Variants in OTOF observed in about 807,000 individuals in gnomAD.
OTOF encodes otoferlin, also known as fer-1-like family member 2.
OTOF carries 218 observed loss-of-function variants against 236.8 expected under a neutral mutation model. The ratio of observed to expected loss-of-function variants is 0.92; its 90% CI spans 0.82 to 1.03. OTOF has a LOEUF of 1.03. OTOF is among the 50% of genes least tolerant of loss of function. The pLI is 0.00. For synonymous variants in OTOF, 1,041 were observed against 1,072.5 expected, an observed-to-expected ratio of 0.97 and a Z score of 0.57; for missense variants, 2,590 against 2,694.4, an observed-to-expected ratio of 0.96 and a Z score of 0.86.
chr2:26,523,947 ACT>A (rs377417137), intron 3 of OTOF, among the ~76,000 whole-genome samples: 77 of 151,786 alleles, frequency 5.1e-4, no homozygotes, highest in African/African-American at 1.8e-3. Context: ...CCTCTCTCCC[ACT>A]CTGACCCCCA....
intron 1 of OTOF, among the ~76,000 whole-genome samples, chr2:26,552,130 C>T (rs1572501694): frequency 2.0e-5 from 3 of 151,038 alleles, no homozygotes; most frequent in Admixed American, 1.3e-4. Flanking sequence ...TGGCTTACGC[C>T]TATAATCCCA....
intron 1 of OTOF, among the ~76,000 whole-genome samples, chr2:26,540,343 C>T (rs1248686864): frequency 6.6e-6 from 1 of 152,218 alleles, no homozygotes; most frequent in Admixed American, 6.5e-5. Context: ...ACTGATGAAG[C>T]CCATGGCATG....
chr2:26,465,260 G>C (rs941619104), intron 38 of OTOF, among the ~76,000 whole-genome samples: 6 of 152,114 alleles, frequency 3.9e-5, no homozygotes, highest in Admixed American at 1.3e-4. Context: ...TAGCCCCACT[G>C]CATCCCCTCA....
rs776405936 is a variant in OTOF at position 26,480,910 on chromosome 2, C to G, written c.1679G>C (p.Gly560Ala). 6.2e-7 allele frequency: 1 copy of G among 1,613,000 alleles called. No homozygotes were observed. Among genetic ancestry groups the G allele is most frequent in the Non-Finnish European group, 8.5e-7 (1 of 1,179,942 alleles). ...DEHQDLNEGL[G>A]EGVSFRARLL... Reference sequence around the variant, plus strand: ...CCGGGCCCGGAAGGACACACCCTCCCCCAGGCCCTCGTTCAGGTCCTGATG... The same window carrying G: ...CCGGGCCCGGAAGGACACACCCTCCGCCAGGCCCTCGTTCAGGTCCTGATG... Residue 560 changes from glycine (G) to alanine (A), a missense_variant, in exon 15 of 47, where the codon GGG becomes GCG. Physicochemically the swap from Gly to Ala is moderately conservative, Grantham distance 60. This residue lies in a region of OTOF where 1,379 missense variants were observed against 1,341.6 expected (regional missense o/e 1.03). Coordinates refer to ENST00000272371, the MANE Select transcript of OTOF (RefSeq NM_194248.3).
At chr2:26,504,106 G>T (rs1428755629) in intron 5 of OTOF, among the ~76,000 whole-genome samples, 4 of 152,146 alleles carry the variant, frequency 2.6e-5, no homozygotes, top group Non-Finnish European at 5.9e-5. Context: ...TCCCCAGCAA[G>T]CAGGGAACGT....
At chr2:26,539,640 C>A (rs1276000839) in intron 1 of OTOF, among the ~76,000 whole-genome samples, 1 of 152,174 alleles carries the variant, frequency 6.6e-6, no homozygotes. Context: ...GAGGCCGAGG[C>A]AGGAGAATCG....
intron 1 of OTOF, among the ~76,000 whole-genome samples, chr2:26,545,547 A>G (rs900101592): frequency 6.6e-6 from 1 of 152,134 alleles, no homozygotes; most frequent in Non-Finnish European, 1.5e-5. Context: ...TCCAATTTTT[A>G]AGAAATGCAA....
Position 26,519,079 on chromosome 2 carries a change from C to T in OTOF, c.258G>A (p.Gln86=). 4 of 1,607,496 alleles carry T rather than the reference C, an allele frequency of 2.5e-6. No individual in the cohort carries two copies. The highest frequency in any genetic ancestry group is 2.6e-6 in the Non-Finnish European group (3 of 1,176,070). Residue 86 remains glutamine (Q), a synonymous_variant, in exon 4 of 47, where the codon CAG becomes CAA. Transcript: ENST00000272371. ...KLIGTFRMVL[Q]KVVEESHVEV... is the part of the protein sequence containing the mutation. ...CCACATGGCTCTCCTCTACCACCTT[C>T]TGCAGCACCATGCGGAAGGTCCCGA...
At chr2:26,524,435 G>T (rs1297215043) in intron 3 of OTOF, among the ~76,000 whole-genome samples, 1 of 152,232 alleles carries the variant, frequency 6.6e-6, no homozygotes, top group Non-Finnish European at 1.5e-5. Context: ...CTTGAACTCA[G>T]GAGGCAGAGG....
chr2:26,509,026 A>G (rs1308007133), intron 5 of OTOF, among the ~76,000 whole-genome samples: 1 of 152,202 alleles, frequency 6.6e-6, no homozygotes. Flanking sequence ...TGGTGGACCT[A>G]CTATGTGCTG....
chr2:26,467,448 T>C lies in OTOF; in HGVS notation c.4144A>G (p.Lys1382Glu). The C allele has an allele frequency of 6.2e-7, 1 of 1,613,900 alleles. No individual in the cohort carries two copies. The highest frequency in any genetic ancestry group is 8.5e-7 in the Non-Finnish European group (1 of 1,179,982). Reference protein sequence around the residue: ...KEKARAAKEEKKKKTQSSGSG... With the variant: ...KEKARAAKEEEKKKTQSSGSG... ...CCAGAGCTCTGAGTTTTCTTCTTCT[T>C]CTCCTCTTTGGCAGCCCTTGCCTTC... is the stretch of plus-strand genomic sequence containing the variant. Residue 1382 changes from lysine (K) to glutamate (E), a missense_variant, in exon 34 of 47, where the codon AAG becomes GAG. By Grantham distance (56) the Lys-to-Glu change is moderately conservative. Transcript: ENST00000272371.
intron 32 of OTOF, among the ~76,000 whole-genome samples, chr2:26,469,590 C>G (rs1268523774): frequency 2.0e-5 from 3 of 152,196 alleles, no homozygotes; most frequent in Non-Finnish European, 4.4e-5. Context: ...CCTCTTTAAC[C>G]CTTCCTGTGC....
intron 32 of OTOF, 81 bp from the exon 33 acceptor site, chr2:26,468,555 C>A (rs1410283917): frequency 1.5e-5 from 15 of 974,960 alleles, no homozygotes; most frequent in African/African-American, 3.2e-5. Flanking sequence ...GGGCCCAGAC[C>A]AGTCTTAATG....
intron 2 of OTOF, among the ~76,000 whole-genome samples, chr2:26,534,463 GCTCTGTTTCCA>G (rs1667020608): frequency 6.6e-6 from 1 of 152,140 alleles, no homozygotes; most frequent in African/African-American, 2.4e-5. Context: ...CCATGTCCAG[GCTCTGTTTCCA>G]CCCATTGTTG....
intron 40 of OTOF, 120 bp from the exon 41 acceptor site, chr2:26,463,691 TG>T (rs1469564986): frequency 1.1e-6 from 1 of 927,740 alleles, no homozygotes; most frequent in Non-Finnish European, 1.7e-6. Context: ...TTTCCATCTT[TG>T]GATGCCAGGA....
intron 9 of OTOF, among the ~76,000 whole-genome samples, chr2:26,490,285 C>A (rs888487665): frequency 4.6e-5 from 7 of 152,182 alleles, no homozygotes; most frequent in Non-Finnish European, 7.3e-5. Context: ...TGCCATGAAG[C>A]CACAAGGCTG....
intron 2 of OTOF, 47 bp from the exon 3 acceptor site, chr2:26,527,967 G>A (rs1376745978): frequency 7.3e-7 from 1 of 1,360,980 alleles, no homozygotes; most frequent in African/African-American, 1.4e-5. Context: ...TAACAGGTAG[G>A]AGCCGTGGGG....
At chr2:26,518,448 G>A (rs1244003046) in intron 4 of OTOF, among the ~76,000 whole-genome samples, 1 of 152,248 alleles carries the variant, frequency 6.6e-6, no homozygotes, top group Non-Finnish European at 1.5e-5. Context: ...CCACGGCTGA[G>A]CTCAAGAGGA....
In OTOF at chr2:26,495,311, C is replaced by T. The variant is rs34780859; in HGVS notation, c.766-238G>A. Among the ~76,000 whole-genome samples the T allele has an allele frequency of 0.31, 46,860 of 152,098 alleles. 8,471 individuals carry two copies. The highest frequency in any genetic ancestry group is 0.39 in the Non-Finnish European group (26,363 of 67,974). On this transcript the variant is annotated intron_variant, in intron 8 of 46. Transcript: ENST00000272371. ...AGTATGAGTTGGCTAACCTCTAAGT[C>T]AGTGTTCACTAGACTTAACTTGCTG...
Sources: gnomAD v4.1 joint callset for allele counts (sites outside exome capture counted in the v4.1 genomes callset) on GRCh38, gnomAD v4.1.1 for gene constraint, gnomAD v4.1.1 regional missense constraint, MANE v1.5 for transcripts, NCBI Gene and HGNC (gene_info 2026-07-23, HGNC 2026-07-21) for gene names.